SLC38A1: variants seen among roughly 807,000 people sequenced by gnomAD.
SLC38A1 encodes the protein sodium-coupled neutral amino acid symporter 1.
SLC38A1 carries 18 observed loss-of-function variants against 60.3 expected under a neutral mutation model. That is an observed-to-expected ratio of 0.30 (90% CI 0.21 to 0.44). The LOEUF (loss-of-function observed/expected upper bound fraction) is 0.44. Ranked by LOEUF, SLC38A1 falls within the 20% of genes least tolerant of loss-of-function variation. SLC38A1 has a pLI of 1.00. For missense variants in SLC38A1, 448 were observed against 587.2 expected, an observed-to-expected ratio of 0.76 and a Z score of 2.45; for synonymous variants, 196 against 212.1, an observed-to-expected ratio of 0.92 and a Z score of 0.66.
At chr12:46,229,347 C>G (rs1940983369) in intron 4 of SLC38A1, 79 bp from the exon 5 acceptor site, 2 of 965,578 alleles carry the variant, frequency 2.1e-6, no homozygotes, top group Admixed American at 4.5e-5. Context: ...TTAATGCACT[C>G]TCAGGAACCA....
chr12:46,249,641 A>G (rs1281458078), intron 1 of SLC38A1, among the ~76,000 whole-genome samples: 1 of 152,234 alleles, frequency 6.6e-6, no homozygotes, highest in Non-Finnish European at 1.5e-5. Flanking sequence ...GCAATAAAAA[A>G]TGATAAAGGG....
intron 3 of SLC38A1, among the ~76,000 whole-genome samples, chr12:46,233,236 T>C (rs1325821537): frequency 6.6e-6 from 1 of 152,092 alleles, no homozygotes; most frequent in African/African-American, 2.4e-5. Flanking sequence ...TTGCCCACGC[T>C]GGTCTCGAAC....
chr12:46,256,000 T>C (rs765801171), intron 1 of SLC38A1, among the ~76,000 whole-genome samples: 3 of 151,892 alleles, frequency 2.0e-5, no homozygotes, highest in Non-Finnish European at 4.4e-5. Flanking sequence ...ACCCTGTCTC[T>C]ACTAAAAATA....
At chr12:46,243,586 T>C (rs1941516784) in intron 1 of SLC38A1, among the ~76,000 whole-genome samples, 1 of 152,158 alleles carries the variant, frequency 6.6e-6, no homozygotes, top group Non-Finnish European at 1.5e-5. Context: ...GAGCTGAGAC[T>C]TCACAGTGGA....
intron 3 of SLC38A1, among the ~76,000 whole-genome samples, chr12:46,230,653 G>A (rs1941040187): frequency 6.6e-6 from 1 of 152,158 alleles, no homozygotes; most frequent in Non-Finnish European, 1.5e-5. Flanking sequence ...AGTAAATGAT[G>A]TACAAATATA....
At chr12:46,195,765 G>A (rs562146796) in intron 16 of SLC38A1, 20 of 204,414 alleles carry the variant, frequency 9.8e-5, no homozygotes, top group South Asian at 7.8e-4. Flanking sequence ...AGCCAGGCAC[G>A]GGAGGGTATT....
chr12:46,248,804 A>G (rs1941719721), intron 1 of SLC38A1, among the ~76,000 whole-genome samples: 1 of 152,216 alleles, frequency 6.6e-6, no homozygotes, highest in Non-Finnish European at 1.5e-5. Context: ...AAAAGAACGG[A>G]AATCACAACA....
At position 46,204,343 on chromosome 12, in the gene SLC38A1, A is replaced by G; in HGVS notation, c.780T>C (p.Asn260=). 6.2e-7 allele frequency: 1 copy of G among 1,613,742 alleles called. No individual in the cohort carries two copies. The highest frequency in any genetic ancestry group is 8.5e-7 in the Non-Finnish European group (1 of 1,179,708). The change falls in exon 11 of 17, where the codon AAT becomes AAC. Residue 260 remains asparagine (N), a synonymous_variant. Coordinates refer to ENST00000398637, the MANE Select transcript of SLC38A1 (RefSeq NM_030674.4). ...LNSTISANST[N]ADTCTPKYVT... The stretch of plus-strand genomic sequence containing the variant: ...CATATTTTGGCGTACACGTGTCAGC[A>G]TTTGTTGAATTAGCACTTATTGTTG...
At chr12:46,201,754 G>A (rs1939669221) in intron 12 of SLC38A1, among the ~76,000 whole-genome samples, 1 of 151,784 alleles carries the variant, frequency 6.6e-6, no homozygotes, top group Non-Finnish European at 1.5e-5. Context: ...TCACTCTGGG[G>A]TTGGGATGAC....
chr12:46,254,209 A>G (rs546181496), intron 1 of SLC38A1, among the ~76,000 whole-genome samples: 13 of 152,326 alleles, frequency 8.5e-5, no homozygotes, highest in Admixed American at 3.3e-4. Flanking sequence ...CCAGATTTTT[A>G]CATTACTCAT....
intron 5 of SLC38A1, among the ~76,000 whole-genome samples, chr12:46,220,242 T>C (rs1181277454): frequency 6.6e-6 from 1 of 152,232 alleles, no homozygotes; most frequent in East Asian, 1.9e-4. Context: ...CCCTTTTCCA[T>C]GTATTTCAAA....
intron 1 of SLC38A1, among the ~76,000 whole-genome samples, chr12:46,256,107 A>G (rs1369698980): frequency 6.7e-6 from 1 of 150,332 alleles, no homozygotes; most frequent in Non-Finnish European, 1.5e-5. Flanking sequence ...CAGAGCTTAC[A>G]GTGAATCGAG....
At chr12:46,202,009 A>G (rs1185160574) in intron 12 of SLC38A1, among the ~76,000 whole-genome samples, 2 of 151,646 alleles carry the variant, frequency 1.3e-5, no homozygotes, top group East Asian at 3.9e-4. Context: ...CCTGGGCAAC[A>G]TGGTGAAACT....
At chr12:46,264,087 C>A (rs11183416) in intron 1 of SLC38A1, among the ~76,000 whole-genome samples, 3 of 152,200 alleles carry the variant, frequency 2.0e-5, no homozygotes, top group Non-Finnish European at 4.4e-5. Flanking sequence ...GCACTGACAG[C>A]TTTTAAAACA....
rs569413932 is a variant in SLC38A1 at position 46,243,232 on chromosome 12, A to C, written c.-126T>G. On this transcript the variant is annotated 5_prime_UTR_variant, in exon 2 of 17. The change abolishes the stop of an existing upstream ORF in the 5' untranslated region. Transcript: ENST00000398637. ...CTCAGCAAGCAGAGACGATCACTCT[A>C]TATATATTGTTGTATGGCCTTCCAG... The C allele has an allele frequency of 1.8e-4, 28 of 152,186 alleles. No homozygotes were observed. The highest frequency in any genetic ancestry group is 1.2e-3 in the South Asian group (6 of 4,830). The allele number at this position is 152,186 out of a possible 1,614,324, so 9.4% of individuals were successfully genotyped here. A position where few individuals can be genotyped will look rare whatever the true frequency, so the allele number is the denominator to read the frequency against.
At chr12:46,208,295 T>A (rs766137664) in intron 6 of SLC38A1, among the ~76,000 whole-genome samples, 4 of 152,214 alleles carry the variant, frequency 2.6e-5, no homozygotes, top group Non-Finnish European at 5.9e-5. Flanking sequence ...AGCATTCACT[T>A]TTTAAAAAGT....
chr12:46,245,385 G>A (rs376694861), intron 1 of SLC38A1, among the ~76,000 whole-genome samples: 12 of 152,102 alleles, frequency 7.9e-5, no homozygotes, highest in African/African-American at 2.9e-4. Context: ...TAACTGTCAG[G>A]GTAATGCAAA....
chr12:46,212,973 C>T lies in SLC38A1; in HGVS notation c.315-3846G>A, dbSNP rs184889597. The stretch of plus-strand genomic sequence containing the variant: ...CTAACACCTCTCCTACCTAACAGTC[C>T]TGAGGGTGCTCATTTTAAGATTGTG... On this transcript the variant is annotated intron_variant, in intron 5 of 16. Coordinates refer to ENST00000398637, the MANE Select transcript of SLC38A1 (RefSeq NM_030674.4). Among the ~76,000 whole-genome samples the T allele has an allele frequency of 1.4e-4, 21 of 152,280 alleles. No individual in the cohort carries two copies. In the East Asian group the frequency reaches 3.9e-3, roughly 28 times the overall value.
chr12:46,239,792 A>T lies in SLC38A1; in HGVS notation c.9T>A (p.His3Gln), dbSNP rs1475749804. Residue 3 changes from histidine (H) to glutamine (Q), a missense_variant, in exon 3 of 17, where the codon CAT (histidine) becomes CAA (glutamine). Transcript: ENST00000398637. Reference sequence around the variant, plus strand: ...CAGTTAATTCGAGTCCACTTTTGAAATGCATCATGATTAGAAAGTGTCTGT... The same window carrying T: ...CAGTTAATTCGAGTCCACTTTTGAATTGCATCATGATTAGAAAGTGTCTGT... Reference protein sequence around the residue: MMHFKSGLELTEL... With the variant: MMQFKSGLELTEL... 1.9e-6 allele frequency: 3 copies of T among 1,612,642 alleles called. No individual in the cohort carries two copies. The African/African-American group carries it at 4.0e-5, about 22-fold the overall frequency.
Sources: allele counts gnomAD v4.1 joint callset (sites outside exome capture counted in the v4.1 genomes callset), GRCh38; gene constraint gnomAD v4.1.1; transcripts MANE v1.5; gene names NCBI Gene and HGNC (gene_info 2026-07-23, HGNC 2026-07-21).